Variants in KHDRBS2 observed in about 807,000 individuals in gnomAD.
KHDRBS2 encodes KH domain-containing, RNA-binding, signal transduction-associated protein 2.
Under a neutral mutation model 44.3 loss-of-function variants are expected in KHDRBS2, and 26 were observed. The ratio of observed to expected loss-of-function variants is 0.59; its 90% CI spans 0.43 to 0.81. The LOEUF is 0.81. KHDRBS2 is among the 40% of genes least tolerant of loss of function. The pLI is 0.00. For missense variants in KHDRBS2, 476 were observed against 433.1 expected, an observed-to-expected ratio of 1.10 and a Z score of -0.88; for synonymous variants, 194 against 151.1, an observed-to-expected ratio of 1.28 and a Z score of -2.08.
chr6:62,273,898 C>T (rs1165267747), intron 1 of KHDRBS2, among the ~76,000 whole-genome samples: 1 of 152,008 alleles, frequency 6.6e-6, no homozygotes, highest in Non-Finnish European at 1.5e-5. Context: ...TATTTTTCAG[C>T]CCCTCTATCC....
intron 6 of KHDRBS2, among the ~76,000 whole-genome samples, chr6:61,780,565 G>A (rs1782784826): frequency 6.6e-6 from 1 of 151,998 alleles, no homozygotes; most frequent in South Asian, 2.1e-4. Context: ...TGGTTATTTG[G>A]GAGAATATTC....
At chr6:61,945,112 A>AATATATAT (rs1491476068) in intron 4 of KHDRBS2, among the ~76,000 whole-genome samples, 8 of 48,416 alleles carry the variant, frequency 1.7e-4, no homozygotes, top group Non-Finnish European at 2.9e-4. Flanking sequence ...AAAAAAAAAA[A>AATATATAT]GTATATATAT....
intron 6 of KHDRBS2, among the ~76,000 whole-genome samples, chr6:61,787,979 G>A (rs1408624498): frequency 6.6e-6 from 1 of 151,540 alleles, no homozygotes; most frequent in African/African-American, 2.4e-5. Flanking sequence ...ATATATCATT[G>A]TTAGAGACAT....
chr6:62,149,994 A>G (rs1486642110), intron 2 of KHDRBS2, among the ~76,000 whole-genome samples: 1 of 152,228 alleles, frequency 6.6e-6, no homozygotes, highest in Non-Finnish European at 1.5e-5. Context: ...AAACAATGAA[A>G]TGAGATAAAT....
intron 6 of KHDRBS2, among the ~76,000 whole-genome samples, chr6:61,771,344 T>C (rs1239687988): frequency 4.6e-5 from 7 of 152,036 alleles, no homozygotes; most frequent in African/African-American, 9.6e-5. Flanking sequence ...CAATATTAAC[T>C]TTAAATGTAA....
chr6:62,010,659 G>A (rs1340784776), intron 3 of KHDRBS2, among the ~76,000 whole-genome samples: 1 of 152,024 alleles, frequency 6.6e-6, no homozygotes, highest in East Asian at 1.9e-4. Context: ...GATAATAAAT[G>A]GGTCTGATGG....
At chr6:61,684,819 A>C (rs1766649921) in intron 8 of KHDRBS2, among the ~76,000 whole-genome samples, 2 of 151,714 alleles carry the variant, frequency 1.3e-5, no homozygotes, top group African/African-American at 2.4e-5. Flanking sequence ...GAGAAACAGA[A>C]GTTAAGTGAC....
the KHDRBS2 span, among the ~76,000 whole-genome samples, chr6:61,601,158 C>A: frequency 6.6e-6 from 1 of 152,076 alleles, no homozygotes; most frequent in Non-Finnish European, 1.5e-5. Flanking sequence ...GGGCTGCTCA[C>A]CCAACCCTTT....
chr6:61,895,512 T>C (rs1051865780), intron 5 of KHDRBS2, among the ~76,000 whole-genome samples: 1 of 152,102 alleles, frequency 6.6e-6, no homozygotes, highest in Admixed American at 6.6e-5. Context: ...ATAACTATGG[T>C]GTTAGAGGAA....
At chr6:62,151,297 A>C (rs1815132991) in intron 2 of KHDRBS2, among the ~76,000 whole-genome samples, 1 of 152,194 alleles carries the variant, frequency 6.6e-6, no homozygotes, top group Non-Finnish European at 1.5e-5. Context: ...CTCCTCTAGC[A>C]CAAAAACCCA....
At chr6:61,611,479 C>T in the KHDRBS2 span, among the ~76,000 whole-genome samples, 5 of 152,172 alleles carry the variant, frequency 3.3e-5, no homozygotes, top group Non-Finnish European at 4.4e-5. Flanking sequence ...AGAATATCTA[C>T]AATGAAACCT....
intron 6 of KHDRBS2, among the ~76,000 whole-genome samples, chr6:61,805,029 C>T (rs532890021): frequency 6.6e-6 from 1 of 152,310 alleles, no homozygotes; most frequent in South Asian, 2.1e-4. Flanking sequence ...TCAGGCTGCA[C>T]ATTTTCCAAA....
intron 4 of KHDRBS2, among the ~76,000 whole-genome samples, chr6:61,947,915 ATAATAATAATAAT>A (rs1763916660): frequency 4.0e-5 from 1 of 24,940 alleles, no homozygotes; most frequent in Non-Finnish European, 8.8e-5. Flanking sequence ...CACACACAAA[ATAATAATAATAAT>A]AATAATAATA....
In KHDRBS2 at chr6:61,823,217, C is replaced by T. The variant is rs1291015801; in HGVS notation, c.810+71418G>A. Among the ~76,000 whole-genome samples the T allele has an allele frequency of 2.6e-5, 4 of 152,002 alleles. No individual in the cohort carries two copies. The East Asian group carries it at 5.8e-4, about 22-fold the overall frequency. ...AAGGAAGGAGGGTTGGGGAGACATA[C>T]ATAACACATTGCTGACATCTCTTAG... is the stretch of plus-strand genomic sequence containing the variant. On this transcript the variant is annotated intron_variant, in intron 6 of 8. Coordinates refer to ENST00000281156, the MANE Select transcript of KHDRBS2 (RefSeq NM_152688.4).
rs565489911 is a variant in KHDRBS2 at position 61,848,583 on chromosome 6, A to G, written c.810+46052T>C. The stretch of plus-strand genomic sequence containing the variant: ...TATATGTATATATATATACATATAT[A>G]TATATATATACTTTTTTTTAACTCG... On this transcript the variant is annotated intron_variant, in intron 6 of 8. Coordinates refer to ENST00000281156, the MANE Select transcript of KHDRBS2 (RefSeq NM_152688.4). Among the ~76,000 whole-genome samples the G allele has an allele frequency of 2.2e-4, 23 of 104,358 alleles. No homozygotes were observed. The East Asian group carries it at 3.2e-3, about 15-fold the overall frequency. The allele number at this position is 104,358 out of a possible 152,430, so 68.5% of individuals were successfully genotyped here. A position where few individuals can be genotyped will look rare whatever the true frequency, so the allele number is the denominator to read the frequency against.
At chr6:61,591,768 C>T in the KHDRBS2 span, among the ~76,000 whole-genome samples, 12 of 152,282 alleles carry the variant, frequency 7.9e-5, no homozygotes, top group African/African-American at 2.9e-4. Flanking sequence ...CACAGCCCTG[C>T]TCTTTCTTTT....
chr6:61,917,085 G>T (rs1807164079), intron 4 of KHDRBS2, among the ~76,000 whole-genome samples: 1 of 141,222 alleles, frequency 7.1e-6, no homozygotes, highest in Non-Finnish European at 1.5e-5. Context: ...TCCAGCAATT[G>T]TGCTCGTTAT....
chr6:62,241,327 C>T lies in KHDRBS2; in HGVS notation c.91+44531G>A, dbSNP rs545021695. On this transcript the variant is annotated intron_variant, in intron 1 of 8. Transcript: ENST00000281156. ...TAACTTTAAAAACACCAATAACTGTCTTTTTACTCTTTTTTATATGATAAA... is the reference window on the plus strand; with the variant it reads ...TAACTTTAAAAACACCAATAACTGTTTTTTTACTCTTTTTTATATGATAAA... 2.4e-4 allele frequency among the ~76,000 whole-genome samples: 36 copies of T among 152,244 alleles called. No individual in the cohort carries two copies. The East Asian group carries it at 5.6e-3, about 24-fold the overall frequency.
At chr6:61,765,655 T>A (rs1263359434) in intron 6 of KHDRBS2, among the ~76,000 whole-genome samples, 1 of 152,138 alleles carries the variant, frequency 6.6e-6, no homozygotes, top group East Asian at 1.9e-4. Context: ...TGTTGAGGTA[T>A]GTTCCTTCTA....
Sources: allele counts gnomAD v4.1 joint callset (sites outside exome capture counted in the v4.1 genomes callset), GRCh38; gene constraint gnomAD v4.1.1; transcripts MANE v1.5; gene names NCBI Gene and HGNC (gene_info 2026-07-23, HGNC 2026-07-21).